ADGRD1: variants seen among roughly 807,000 people sequenced by gnomAD.
ADGRD1 encodes G-protein coupled receptor 133.
In ADGRD1, 77 loss-of-function variants were observed where a neutral mutation model predicts 113.4. The ratio of observed to expected loss-of-function variants is 0.68; its 90% CI spans 0.57 to 0.82. The LOEUF is 0.82. ADGRD1 is among the 40% of genes least tolerant of loss of function. ADGRD1 has a pLI of 0.00. For missense variants in ADGRD1, 1,036 were observed against 1,139.1 expected (o/e 0.91, Z 1.30); for synonymous variants, 474 against 475.0 (o/e 1.00, Z 0.03).
At chr12:131,124,695 C>T (rs1169860987) in intron 20 of ADGRD1, among the ~76,000 whole-genome samples, 1 of 105,164 alleles carries the variant, frequency 9.5e-6, no homozygotes, top group Non-Finnish European at 2.5e-5. Context: ...TTGTTCTCGG[C>T]TGTAACACAC....
chr12:130,961,839 C>T (rs1433946523), intron 2 of ADGRD1, among the ~76,000 whole-genome samples: 1 of 152,148 alleles, frequency 6.6e-6, no homozygotes, highest in Non-Finnish European at 1.5e-5. Flanking sequence ...AAAAAAAAAT[C>T]TGAATTTCTG....
intron 8 of ADGRD1, 121 bp from the exon 9 acceptor site, chr12:131,000,262 C>G: frequency 1.4e-6 from 1 of 737,588 alleles, no homozygotes; most frequent in African/African-American, 1.7e-5. Context: ...TGTTGACTGC[C>G]GTGCATAAAA....
chr12:131,044,735 TTTC>T (rs1457613396), intron 13 of ADGRD1, among the ~76,000 whole-genome samples: 1 of 152,114 alleles, frequency 6.6e-6, no homozygotes, highest in Admixed American at 6.6e-5. Context: ...GGTGTGCGAG[TTTC>T]TTTTTACACA....
chr12:131,102,583 C>G (rs541733578), intron 15 of ADGRD1, among the ~76,000 whole-genome samples: 5 of 152,184 alleles, frequency 3.3e-5, no homozygotes, highest in Non-Finnish European at 7.4e-5. Flanking sequence ...GGAGTGGGCT[C>G]TGGGCAGAGT....
At chr12:130,991,137 G>A in intron 7 of ADGRD1, 59 bp downstream of exon 7, 1 of 1,412,832 alleles carries the variant, frequency 7.1e-7, no homozygotes. Context: ...TGGGCTGTTT[G>A]CTGGGAGAGA....
chr12:131,127,437 C>A (rs1950765629), intron 20 of ADGRD1, among the ~76,000 whole-genome samples: 1 of 152,236 alleles, frequency 6.6e-6, no homozygotes, highest in Admixed American at 6.5e-5. Context: ...AGAGGCAAAG[C>A]AGGAGTGATG....
At chr12:131,105,698 C>A in intron 16 of ADGRD1, 56 bp from the exon 17 acceptor site, 3 of 1,387,402 alleles carry the variant, frequency 2.2e-6, no homozygotes, top group Non-Finnish European at 2.0e-6. Context: ...GGGAGCCCAG[C>A]CTGGGGGACT....
intron 4 of ADGRD1, chr12:130,978,226 C>T (rs1872554306): frequency 6.6e-6 from 1 of 152,142 alleles, no homozygotes; most frequent in Non-Finnish European, 1.5e-5. Flanking sequence ...TATTCTTTCC[C>T]TGGATGGTTG....
At chr12:131,109,880 T>A (rs1031666150) in intron 18 of ADGRD1, among the ~76,000 whole-genome samples, 3 of 152,224 alleles carry the variant, frequency 2.0e-5, no homozygotes, top group African/African-American at 7.2e-5. Flanking sequence ...TGATGTTGTT[T>A]CCTGTTGCTT....
At position 130,966,329 on chromosome 12, in the gene ADGRD1, A is replaced by C; in HGVS notation, c.104-134A>C. ...AAGAGTGTGTGTTGAATTTTATTAA[A>C]TATGCTTTCAGTATCTCCCACAGAC... On this transcript the variant is annotated intron_variant, in intron 2 of 24. Transcript: ENST00000261654. The surrounding 1 kb of genome is among the most constrained non-coding windows in gnomAD (Gnocchi z 4.6). 1.7e-6 allele frequency: 1 copy of C among 592,546 alleles called. No homozygotes were observed. Among genetic ancestry groups the C allele is most frequent in the South Asian group, 2.1e-5 (1 of 47,144 alleles). The allele number at this position is 592,546 out of a possible 1,614,324, so 36.7% of individuals were successfully genotyped here. A position where few individuals can be genotyped will look rare whatever the true frequency, so the allele number is the denominator to read the frequency against.
In ADGRD1 at chr12:131,014,325, C is replaced by T. The variant is rs1307605678; in HGVS notation, c.1458C>T (p.His486=). Reference sequence around the variant, plus strand: ...CGGGCTCTCCACTCATTACGGTCCACCTCAAGCACAGATTGGTGAGTGGCG... The same window carrying T: ...CGGGCTCTCCACTCATTACGGTCCATCTCAAGCACAGATTGGTGAGTGGCG... The part of the protein sequence containing the change: ...NLSGSPLITV[H]LKHRLTRKQH... Residue 486 remains histidine, a synonymous_variant, in exon 13 of 25, where the codon CAC becomes CAT. Transcript: ENST00000261654. 3.1e-6 allele frequency: 5 copies of T among 1,613,198 alleles called. No individual in the cohort carries two copies. The Admixed American group carries it at 5.0e-5, about 16-fold the overall frequency.
At chr12:131,078,269 T>G (rs1885803163) in intron 14 of ADGRD1, among the ~76,000 whole-genome samples, 1 of 152,202 alleles carries the variant, frequency 6.6e-6, no homozygotes, top group African/African-American at 2.4e-5. Flanking sequence ...GCGAGGAAAG[T>G]GCAGCCCAGC....
intron 12 of ADGRD1, among the ~76,000 whole-genome samples, chr12:131,010,680 G>A (rs1179732351): frequency 2.0e-5 from 3 of 152,188 alleles, no homozygotes; most frequent in Admixed American, 2.0e-4. Flanking sequence ...ACCATCGGTG[G>A]GGCTCCGTGG....
At chr12:131,124,276 A>G (rs1950686854) in intron 20 of ADGRD1, among the ~76,000 whole-genome samples, 1 of 152,234 alleles carries the variant, frequency 6.6e-6, no homozygotes. Context: ...CCATTTGTTT[A>G]AAAAGTTAAA....
chr12:130,973,452 A>G (rs1871930966), intron 4 of ADGRD1: 1 of 152,236 alleles, frequency 6.6e-6, no homozygotes, highest in Non-Finnish European at 1.5e-5. Context: ...TTTATCGCTC[A>G]TGTGTCCATG....
intron 5 of ADGRD1, among the ~76,000 whole-genome samples, chr12:130,982,533 C>A (rs959230258): frequency 1.3e-5 from 2 of 152,168 alleles, no homozygotes; most frequent in African/African-American, 4.8e-5. Context: ...TCTCTTCCTC[C>A]CCCTCCTCTT....
At chr12:131,082,588 C>A (rs868322555) in intron 14 of ADGRD1, among the ~76,000 whole-genome samples, 1 of 152,136 alleles carries the variant, frequency 6.6e-6, no homozygotes, top group Admixed American at 6.5e-5. Flanking sequence ...CAGGCCCCCC[C>A]CTCAAATTGA....
At chr12:131,040,385 T>G (rs1042821308) in intron 13 of ADGRD1, among the ~76,000 whole-genome samples, 1 of 152,236 alleles carries the variant, frequency 6.6e-6, no homozygotes, top group African/African-American at 2.4e-5. Flanking sequence ...GTTTATACAT[T>G]AAAGTAAATG....
At chr12:131,031,739 G>T (rs1052338317) in intron 13 of ADGRD1, among the ~76,000 whole-genome samples, 9 of 152,154 alleles carry the variant, frequency 5.9e-5, no homozygotes, top group African/African-American at 2.2e-4. Flanking sequence ...GGTTGGGCCT[G>T]GGTGTCAACA....
Sources: allele counts gnomAD v4.1 joint callset (sites outside exome capture counted in the v4.1 genomes callset), GRCh38; gene constraint gnomAD v4.1.1; non-coding constraint Gnocchi (gnomAD v3.1); transcripts MANE v1.5; gene names NCBI Gene and HGNC (gene_info 2026-07-23, HGNC 2026-07-21).